ZACN: variants seen among roughly 807,000 people sequenced by gnomAD.
ZACN encodes ligand-gated cation channel ZACN.
A neutral mutation model predicts 38.9 loss-of-function variants in ZACN; 52 were observed. The observed-to-expected ratio is 1.34, with a 90% confidence interval of 1.07 to 1.68. The LOEUF (loss-of-function observed/expected upper bound fraction) is 1.68, where lower values mean the gene tolerates loss of function less well. Among genes scored for constraint, ZACN ranks in the 40% most tolerant of loss-of-function variants. The pLI, the probability that ZACN is intolerant of heterozygous loss-of-function variation, is 0.00. For missense variants in ZACN, 559 were observed against 525.6 expected, an observed-to-expected ratio of 1.06 and a Z score of -0.62; for synonymous variants, 235 against 227.4, an observed-to-expected ratio of 1.03 and a Z score of -0.30.
chr17:76,082,806 AGT>A, downstream of ZACN: 1 of 701,080 alleles, frequency 1.4e-6, no homozygotes, highest in East Asian at 3.1e-5. Flanking sequence ...CTCCAGTGCA[AGT>A]GTGCCTCAAG....
intron 5 of ZACN, chr17:76,080,831 A>G (rs2066943790): frequency 4.2e-6 from 2 of 473,598 alleles, no homozygotes; most frequent in South Asian, 3.1e-5. Context: ...TCAGGTTGCC[A>G]TGGCCTCACT....
rs1171192544 is a variant in ZACN at position 76,081,895 on chromosome 17, C to T, written c.894C>T (p.Thr298=). 1.2e-6 allele frequency: 2 copies of T among 1,610,264 alleles called. No individual in the cohort carries two copies. Among genetic ancestry groups the T allele is most frequent in the Non-Finnish European group, 1.7e-6 (2 of 1,177,692 alleles). The change falls in exon 8 of 9, where the codon ACC becomes ACT. Residue 298 remains threonine, a synonymous_variant. Coordinates refer to ENST00000334586, the MANE Select transcript of ZACN (RefSeq NM_180990.4). The stretch of plus-strand genomic sequence containing the variant: ...TGCCTCCCCCAGTTTACTACTTCAC[C>T]ATCCTGCTGCTGCTGCTCTTCCTCA... The part of the protein sequence containing the change: ...SCNPLLIYYF[T]ILLLLLFLST...
chr17:76,080,290 C>A lies in ZACN; in HGVS notation c.410C>A (p.Ala137Asp), dbSNP rs146741550. The A allele has an allele frequency of 8.7e-6, 14 of 1,613,822 alleles. No homozygotes were observed. In the African/African-American group the frequency reaches 1.9e-4, roughly 22 times the overall value. Residue 137 changes from alanine to aspartate, a missense_variant, in exon 5 of 9, where the codon GCT (alanine) becomes GAT (aspartate). Transcript: ENST00000334586. ...GACTGGAGGGACCAGAGCCCCCAGG[C>A]TCGAGTAGACCAGGACGGCCACGTG... is the stretch of plus-strand genomic sequence containing the variant. ...WVDWRDQSPQARVDQDGHVKL... is the reference protein window; with the variant it reads ...WVDWRDQSPQDRVDQDGHVKL...
chr17:76,082,219 G>T, intron 8 of ZACN, 170 bp downstream of exon 8: 2 of 929,640 alleles, frequency 2.2e-6, no homozygotes, highest in Non-Finnish European at 3.1e-6. Flanking sequence ...GTCTGGGGCA[G>T]GGAGCAAGCT....
At position 76,081,266 on chromosome 17, in the gene ZACN, C is replaced by A; in HGVS notation, c.545-12C>A. Reference sequence around the variant, plus strand: ...TCCTTCCTGGTTCATAGTTCTCATTCCCACCCCTCAGCGATGGAGTTAGAG... The same window carrying A: ...TCCTTCCTGGTTCATAGTTCTCATTACCACCCCTCAGCGATGGAGTTAGAG... On this transcript the variant is annotated splice_polypyrimidine_tract_variant and intron_variant, in intron 5 of 8. Coordinates refer to ENST00000334586, the MANE Select transcript of ZACN (RefSeq NM_180990.4). 1 of 1,613,162 alleles carries A rather than the reference C, an allele frequency of 6.2e-7. No individual in the cohort carries two copies. Among genetic ancestry groups the A allele is most frequent in the South Asian group, 1.1e-5 (1 of 90,978 alleles).
Position 76,082,470 on chromosome 17 carries a change from C to T in ZACN, c.1056C>T (p.Ser352=). Reference sequence around the variant, plus strand: ...CTGTATCTCTCCCCACAGAGCCCTCCAGAGGAGTAAAGGGGTCACAGAGAA... The same window carrying T: ...CTGTATCTCTCCCCACAGAGCCCTCTAGAGGAGTAAAGGGGTCACAGAGAA... ...NPGPHPAEEP[S]RGVKGSQRSW... Residue 352 remains serine (S), a synonymous_variant, in exon 9 of 9, where the codon TCC becomes TCT. Transcript: ENST00000334586. 6.2e-7 allele frequency: 1 copy of T among 1,611,166 alleles called. No individual in the cohort carries two copies. Among genetic ancestry groups the T allele is most frequent in the Non-Finnish European group, 8.5e-7 (1 of 1,178,554 alleles).
intron 3 of ZACN, 43 bp downstream of exon 3, chr17:76,079,789 T>C (rs2066921136): frequency 1.2e-6 from 2 of 1,608,682 alleles, no homozygotes; most frequent in Non-Finnish European, 1.7e-6. Context: ...AAAGCCCAGC[T>C]GAGTCCAGCT....
chr17:76,079,828 G>A (rs1166145694), intron 3 of ZACN, 60 bp from the exon 4 acceptor site: 7 of 1,597,838 alleles, frequency 4.4e-6, no homozygotes, highest in Middle Eastern at 1.7e-4. Context: ...TCAACATGCT[G>A]AGCTTAGGGG....
chr17:76,081,426 G>C, intron 6 of ZACN, 24 bp downstream of exon 6: 2 of 1,613,650 alleles, frequency 1.2e-6, no homozygotes, highest in East Asian at 2.2e-5. Flanking sequence ...GGAGGAGGCC[G>C]ACAGAGGGCT....
intron 5 of ZACN, chr17:76,080,791 G>A (rs1291078030): frequency 2.1e-6 from 1 of 484,532 alleles, no homozygotes; most frequent in East Asian, 6.2e-5. Flanking sequence ...CGACTGCAGT[G>A]GCTCGGCCCC....
chr17:76,079,743 G>A lies in ZACN; in HGVS notation c.264G>A (p.Arg88=). Reference sequence around the variant, plus strand: ...CAATGTCCTCCATGCTGCTGCTTAGGCTGGTGAGCTCCTATGCCTGGGGAG... The same window carrying A: ...CAATGTCCTCCATGCTGCTGCTTAGACTGGTGAGCTCCTATGCCTGGGGAG... The part of the protein sequence containing the change: ...RYTMSSMLLL[R]LSWLDTRLAW... Residue 88 remains arginine (R), a synonymous_variant, in exon 3 of 9, where the codon AGG becomes AGA. Transcript: ENST00000334586. The A allele has an allele frequency of 6.2e-7, 1 of 1,613,514 alleles. No individual in the cohort carries two copies.
rs756578267 is a variant in ZACN, at chr17:76,082,530, C to T, written c.1116C>T (p.Leu372=). Residue 372 remains leucine (L), a synonymous_variant, in exon 9 of 9, where the codon CTC becomes CTT. Coordinates refer to ENST00000334586, the MANE Select transcript of ZACN (RefSeq NM_180990.4). ...AGACTGCTGACCGCATCTTCTTCCT[C>T]GTGTATGTGGTTGGGGTGCTGTGCA... ...WPETADRIFF[L]VYVVGVLCTQ... The T allele has an allele frequency of 1.1e-5, 18 of 1,613,752 alleles. No individual in the cohort carries two copies. Among genetic ancestry groups the T allele is most frequent in the East Asian group, 4.5e-5 (2 of 44,890 alleles).
At position 76,081,999 on chromosome 17, in the gene ZACN, CGA is replaced by C. The variant is rs2067002828; in HGVS notation, c.1002_1003del (p.Glu336ThrfsTer13). On this transcript the variant is annotated frameshift_variant, in exon 8 of 9. Transcript: ENST00000334586. LOFTEE classifies it low-confidence loss of function (END_TRUNC). ...GCCAAGAGCGGCCCCAGCCCAGCCC[CGA>C]GAGGGGAACAGCGAGAGCACGGCAA... The C allele has an allele frequency of 6.2e-7, 1 of 1,611,848 alleles. No homozygotes were observed. Among genetic ancestry groups the C allele is most frequent in the Non-Finnish European group, 8.5e-7 (1 of 1,179,568 alleles).
At chr17:76,080,473 G>A (rs760157411) in intron 5 of ZACN, 49 bp downstream of exon 5, 3 of 1,604,964 alleles carry the variant, frequency 1.9e-6, no homozygotes, top group African/African-American at 2.7e-5. Flanking sequence ...GGAGGAAGGT[G>A]GGGGAGGGGA....
rs765271798 is a variant in ZACN, at chr17:76,081,281, T to TG, written c.550dup (p.Glu184GlyfsTer23). The TG allele has an allele frequency of 1.9e-6, 3 of 1,613,726 alleles. No homozygotes were observed. The highest frequency in any genetic ancestry group is 3.3e-5 in the Admixed American group (2 of 60,010). On this transcript the variant is annotated frameshift_variant, in exon 6 of 9. Transcript: ENST00000334586. LOFTEE classifies it high-confidence loss of function. ...AGTTCTCATTCCCACCCCTCAGCGATGGAGTTAGAGTTCCAGGCCCACGTG... is the reference window on the plus strand; with the variant it reads ...AGTTCTCATTCCCACCCCTCAGCGATGGGAGTTAGAGTTCCAGGCCCACGTG...
chr17:76,082,794 A>C lies in ZACN; in HGVS notation c.*141A>C. The stretch of plus-strand genomic sequence containing the variant: ...CAAGCACAGAGCGTGAAATAAACCC[A>C]TCTCCAGTGCAAGTGTGCCTCAAGG... On this transcript the variant is annotated 3_prime_UTR_variant, in exon 9 of 9. Transcript: ENST00000334586. The C allele has an allele frequency of 1.3e-6, 1 of 770,448 alleles. No individual in the cohort carries two copies. The highest frequency in any genetic ancestry group is 1.9e-6 in the Non-Finnish European group (1 of 519,850). 47.7% of individuals were successfully genotyped at this position (770,448 alleles called of 1,614,324 possible). A position where few individuals can be genotyped will look rare whatever the true frequency, so the allele number is the denominator to read the frequency against.
At chr17:76,081,112 A>G (rs1159741794) in intron 5 of ZACN, 166 bp from the exon 6 acceptor site, 3 of 894,864 alleles carry the variant, frequency 3.4e-6, no homozygotes, top group Non-Finnish European at 5.1e-6. Context: ...GGATGTTGCA[A>G]AACAAGGTTT....
chr17:76,081,291 G>A lies in ZACN; in HGVS notation c.558G>A (p.Glu186=), dbSNP rs780298385. The change falls in exon 6 of 9, where the codon GAG becomes GAA. Residue 186 remains glutamate (E), a synonymous_variant. Transcript: ENST00000334586. ...CCCACCCCTCAGCGATGGAGTTAGAGTTCCAGGCCCACGTGGTGAACGAGA... is the reference window on the plus strand; with the variant it reads ...CCCACCCCTCAGCGATGGAGTTAGAATTCCAGGCCCACGTGGTGAACGAGA... ...YALSNTAMEL[E]FQAHVVNEIV... 44 of 1,613,944 alleles carry A rather than the reference G, an allele frequency of 2.7e-5. No homozygotes were observed. Among genetic ancestry groups the A allele is most frequent in the Non-Finnish European group, 3.6e-5 (42 of 1,179,988 alleles).
chr17:76,082,380 C>CT (rs1438743634), intron 8 of ZACN, 83 bp from the exon 9 acceptor site: 6 of 1,377,250 alleles, frequency 4.4e-6, no homozygotes, highest in Non-Finnish European at 5.9e-6. Flanking sequence ...GCGATACAGG[C>CT]TGATGACCCC....
Sources: allele counts gnomAD v4.1 joint callset, GRCh38; gene constraint gnomAD v4.1.1; transcripts MANE v1.5; gene names NCBI Gene and HGNC (gene_info 2026-07-23, HGNC 2026-07-21).